Variants in PCSK6 observed in about 807,000 individuals in gnomAD.
PCSK6 encodes paired basic amino acid cleaving enzyme 4.
PCSK6 carries 85 observed loss-of-function variants against 123.3 expected under a neutral mutation model. That is an observed-to-expected ratio of 0.69 (90% CI 0.58 to 0.83). PCSK6 has a LOEUF of 0.83. Ranked by LOEUF, PCSK6 falls within the 40% of genes least tolerant of loss-of-function variation. The pLI is 0.00. For synonymous variants in PCSK6, 508 were observed against 516.0 expected (o/e 0.98, Z 0.21); for missense variants, 1,191 against 1,282.3 (o/e 0.93, Z 1.09).
chr15:101,357,664 G>A (rs765368710), intron 13 of PCSK6, among the ~76,000 whole-genome samples: 1 of 152,232 alleles, frequency 6.6e-6, no homozygotes, highest in Non-Finnish European at 1.5e-5. Context: ...CACCTGGCGT[G>A]GCCTCACAGG....
chr15:101,464,426 G>C (rs1567240589), intron 1 of PCSK6, among the ~76,000 whole-genome samples: 1 of 152,194 alleles, frequency 6.6e-6, no homozygotes, highest in Non-Finnish European at 1.5e-5. Flanking sequence ...GGTGTGTATA[G>C]TCTACAAGAT....
At chr15:101,338,369 C>G (rs546966881) in intron 13 of PCSK6, among the ~76,000 whole-genome samples, 1 of 152,246 alleles carries the variant, frequency 6.6e-6, no homozygotes, top group Admixed American at 6.5e-5. Flanking sequence ...GTCGGCCCCC[C>G]ACAGCAGCAG....
intron 1 of PCSK6, among the ~76,000 whole-genome samples, chr15:101,487,128 T>C (rs1305797665): frequency 6.6e-6 from 1 of 152,250 alleles, no homozygotes; most frequent in Non-Finnish European, 1.5e-5. Context: ...CCAGGCCTTT[T>C]CCACATTAGC....
At chr15:101,387,485 C>T (rs2042099355) in intron 9 of PCSK6, among the ~76,000 whole-genome samples, 1 of 152,192 alleles carries the variant, frequency 6.6e-6, no homozygotes. Context: ...AGTTAGGAAC[C>T]ATTTTCTTAT....
intron 13 of PCSK6, among the ~76,000 whole-genome samples, chr15:101,356,890 T>C (rs2041060645): frequency 6.6e-6 from 1 of 152,160 alleles, no homozygotes; most frequent in African/African-American, 2.4e-5. Flanking sequence ...AATGGATGAC[T>C]GATGTGCTAC....
intron 6 of PCSK6, among the ~76,000 whole-genome samples, chr15:101,420,297 T>A (rs560020863): frequency 6.6e-6 from 1 of 152,194 alleles, no homozygotes; most frequent in African/African-American, 2.4e-5. Context: ...ACAGGTTTAC[T>A]ATCTTGGGCA....
intron 1 of PCSK6, among the ~76,000 whole-genome samples, chr15:101,465,010 A>G (rs1012910397): frequency 6.6e-6 from 1 of 152,140 alleles, no homozygotes; most frequent in Admixed American, 6.5e-5. Flanking sequence ...CAAGATGAAA[A>G]AGAGGGCAAG....
Position 101,367,429 on chromosome 15 carries a change from G to A in PCSK6, c.1722-1097C>T, listed in dbSNP as rs190906900. ...TGTAAGATTCAATTTCCAATCTGGG[G>A]GTTCTCTGAACACTCAATGTAGGAA... On this transcript the variant is annotated intron_variant, in intron 12 of 21. Transcript: ENST00000611716. 2.0e-5 allele frequency among the ~76,000 whole-genome samples: 3 copies of A among 152,194 alleles called. No individual in the cohort carries two copies. The East Asian group carries it at 5.8e-4, about 29-fold the overall frequency.
At chr15:101,461,038 G>T (rs1284739956) in intron 1 of PCSK6, among the ~76,000 whole-genome samples, 1 of 152,022 alleles carries the variant, frequency 6.6e-6, no homozygotes, top group African/African-American at 2.4e-5. Flanking sequence ...CTCTGTAAAA[G>T]TAGAAAACAA....
chr15:101,438,150 C>T (rs1054038207), intron 2 of PCSK6, among the ~76,000 whole-genome samples: 25 of 152,204 alleles, frequency 1.6e-4, no homozygotes, highest in Non-Finnish European at 2.9e-4. Flanking sequence ...TTGAAGTCCC[C>T]GCATCCTGTG....
intron 13 of PCSK6, among the ~76,000 whole-genome samples, chr15:101,362,225 G>A (rs534315190): frequency 6.6e-6 from 1 of 152,132 alleles, no homozygotes; most frequent in South Asian, 2.1e-4. Flanking sequence ...CAAAGTGCTG[G>A]AATTACAGGC....
At chr15:101,351,463 AC>A (rs2141411412) in intron 13 of PCSK6, among the ~76,000 whole-genome samples, 1 of 152,310 alleles carries the variant, frequency 6.6e-6, no homozygotes, top group South Asian at 2.1e-4. Flanking sequence ...CAAAAATATT[AC>A]CCAATATTTA....
chr15:101,394,263 C>T (rs984389110), intron 7 of PCSK6, among the ~76,000 whole-genome samples: 3 of 151,904 alleles, frequency 2.0e-5, no homozygotes, highest in African/African-American at 4.8e-5. Flanking sequence ...AAGTGTGCCG[C>T]CATGCCCAGC....
Position 101,307,275 on chromosome 15 carries a change from C to A in PCSK6, c.2750G>T (p.Arg917Met). Residue 917 changes from arginine (R) to methionine (M), a missense_variant, in exon 21 of 22, where the codon AGG becomes ATG. Around this residue, in one of 3 missense-constraint regions of PCSK6, gnomAD observed 630 missense variants for 631.4 expected, o/e 1.00. Transcript: ENST00000611716. ...SCAGSSRNCS[R>M]CKTGFTQLGT... ...CAGCTGTGTGAAGCCCGTCTTACAC[C>A]TGCTACAGTTCCTGCTGGAGCCTGC... 6.2e-7 allele frequency: 1 copy of A among 1,613,838 alleles called. No individual in the cohort carries two copies. Among genetic ancestry groups the A allele is most frequent in the East Asian group, 2.2e-5 (1 of 44,878 alleles).
In PCSK6 at chr15:101,363,840, G is replaced by A. The variant is rs187890814; in HGVS notation, c.1858+2356C>T. 3.3e-4 allele frequency among the ~76,000 whole-genome samples: 49 copies of A among 150,516 alleles called. No homozygotes were observed. The South Asian group carries it at 5.0e-3, about 15-fold the overall frequency. The stretch of plus-strand genomic sequence containing the variant: ...TTTTTAGTAGAGATGGGGTTTCACC[G>A]TGTTAGCCAGGATGGTCTCGATCTC... On this transcript the variant is annotated intron_variant, in intron 13 of 21. Transcript: ENST00000611716.
At chr15:101,332,822 C>T (rs1474655252) in intron 13 of PCSK6, among the ~76,000 whole-genome samples, 1 of 152,250 alleles carries the variant, frequency 6.6e-6, no homozygotes, top group Non-Finnish European at 1.5e-5. Context: ...GCCCATGCAG[C>T]TGTCTGTTCT....
chr15:101,443,497 T>A (rs2056808405), intron 2 of PCSK6, 59 bp downstream of exon 2: 3 of 1,211,512 alleles, frequency 2.5e-6, no homozygotes, highest in Non-Finnish European at 3.6e-6. Flanking sequence ...ACTCCGCCAT[T>A]TTTAAGACCA....
chr15:101,373,840 T>G (rs532606016), intron 11 of PCSK6, among the ~76,000 whole-genome samples: 1 of 152,358 alleles, frequency 6.6e-6, no homozygotes, highest in South Asian at 2.1e-4. Context: ...TTAAACAATG[T>G]GCAGAGATTA....
intron 13 of PCSK6, among the ~76,000 whole-genome samples, chr15:101,339,418 C>T (rs1277689799): frequency 2.6e-5 from 4 of 152,132 alleles, no homozygotes; most frequent in African/African-American, 9.7e-5. Flanking sequence ...ACCAGCCACC[C>T]ATGGCTATGT....
Sources: gnomAD v4.1 joint callset for allele counts (sites outside exome capture counted in the v4.1 genomes callset) on GRCh38, gnomAD v4.1.1 for gene constraint, gnomAD v4.1.1 regional missense constraint, MANE v1.5 for transcripts, NCBI Gene and HGNC (gene_info 2026-07-23, HGNC 2026-07-21) for gene names.